USP19: variants seen among roughly 807,000 people sequenced by gnomAD.
USP19 encodes the protein ubiquitin carboxyl-terminal hydrolase 19.
In USP19, 40 loss-of-function variants were observed where a neutral mutation model predicts 144.8. That is an observed-to-expected ratio of 0.28 (90% CI 0.21 to 0.36). The LOEUF (loss-of-function observed/expected upper bound fraction) is 0.36, where lower values mean the gene tolerates loss of function less well. USP19 is among the 10% of genes least tolerant of loss of function. The pLI is 1.00. For missense variants in USP19, 1,518 were observed against 1,822.5 expected, an observed-to-expected ratio of 0.83 and a Z score of 3.04; for synonymous variants, 701 against 709.3, an observed-to-expected ratio of 0.99 and a Z score of 0.19.
In USP19 at chr3:49,111,598, G is replaced by A. The variant is rs374589536; in HGVS notation, c.3119C>T (p.Pro1040Leu). 1.2e-6 allele frequency: 2 copies of A among 1,612,754 alleles called. No individual in the cohort carries two copies. Among genetic ancestry groups the A allele is most frequent in the Non-Finnish European group, 1.7e-6 (2 of 1,179,796 alleles). Residue 1040 changes from proline to leucine, a missense_variant, in exon 21 of 27, where the codon CCT becomes CTT. This residue lies in a region of USP19 where 413 missense variants were observed against 515.8 expected (regional missense o/e 0.80). Coordinates refer to ENST00000417901, the MANE Select transcript of USP19 (RefSeq NM_001199161.2). The surrounding 1 kb of genome is among the most constrained non-coding windows in gnomAD (Gnocchi z 5.9). ...AGAAATTCCACTGGTGCTGGGCACA[G>A]GACCCCGGTCAGGGGCTGCCCACAC... ...PRVWAAPDRG[P>L]VPSTSGISSE... is the part of the protein sequence containing the mutation.
chr3:49,117,793 G>A lies in USP19; in HGVS notation c.336C>T (p.Pro112=). 1 of 1,614,202 alleles carries A rather than the reference G, an allele frequency of 6.2e-7. No individual in the cohort carries two copies. The highest frequency in any genetic ancestry group is 8.5e-7 in the Non-Finnish European group (1 of 1,180,044). The change falls in exon 4 of 27, where the codon CCC becomes CCT. Residue 112 remains proline (P), a synonymous_variant. Transcript: ENST00000417901. This position sits in a 1 kb window ranked among gnomAD's most constrained non-coding sequence, Gnocchi z 4.4. ...TCCAATCGAGCAACAACTCTGGAGT[G>A]GGAGTAGCCAAGAGATCATGAGGGT... ...CEDPHDLLAT[P]TPELLLDWRQ...
chr3:49,110,893 A>T lies in USP19; in HGVS notation c.3546-30T>A, dbSNP rs552145464. On this transcript the variant is annotated intron_variant, in intron 23 of 26. Coordinates refer to ENST00000417901, the MANE Select transcript of USP19 (RefSeq NM_001199161.2). The surrounding 1 kb of genome is among the most constrained non-coding windows in gnomAD (Gnocchi z 6.1). The stretch of plus-strand genomic sequence containing the variant: ...TGGGGACAGAGATTGGGTCAGGACC[A>T]GCAAGTCTCTCTCTTCTCCATCCTG... The T allele has an allele frequency of 6.2e-7, 1 of 1,613,850 alleles. No homozygotes were observed. The highest frequency in any genetic ancestry group is 1.1e-5 in the South Asian group (1 of 91,088).
At chr3:49,118,606 T>C (rs2044596081) in intron 2 of USP19, among the ~76,000 whole-genome samples, 1 of 149,900 alleles carries the variant, frequency 6.7e-6, no homozygotes, top group Non-Finnish European at 1.5e-5. Flanking sequence ...AAATTAGCCT[T>C]GCGTGGTGGC....
rs2044033161 is a variant in USP19 at position 49,115,973 on chromosome 3, G to A, written c.1472-29C>T. On this transcript the variant is annotated intron_variant, in intron 10 of 26. Coordinates refer to ENST00000417901, the MANE Select transcript of USP19 (RefSeq NM_001199161.2). The surrounding 1 kb of genome is among the most constrained non-coding windows in gnomAD (Gnocchi z 6.6). ...AAAAAGGGGGAATGAGAGGGCTGGT[G>A]GTTAGCAGCATGTGACAGGGGTTTG... 2.6e-6 allele frequency: 4 copies of A among 1,560,568 alleles called. No homozygotes were observed. The highest frequency in any genetic ancestry group is 2.8e-5 in the African/African-American group (2 of 72,542).
In USP19 at chr3:49,118,064, G is replaced by A; in HGVS notation, c.181C>T (p.Pro61Ser). 3.8e-6 allele frequency: 6 copies of A among 1,583,660 alleles called. No individual in the cohort carries two copies. The highest frequency in any genetic ancestry group is 5.1e-6 in the Non-Finnish European group (6 of 1,167,526). ...GCTGCATGGGAGGCTGAGGCAGAAG[G>A]ATCACCTGAGGCCAGAGGTTCAAGA... ...AGLEPLASGDPSASASHAAGI... is the reference protein window; with the variant it reads ...AGLEPLASGDSSASASHAAGI... The change falls in exon 3 of 27, where the codon CCT becomes TCT. Residue 61 changes from proline to serine, a missense_variant. By Grantham distance (74) the Pro-to-Ser change is moderately conservative. Coordinates refer to ENST00000417901, the MANE Select transcript of USP19 (RefSeq NM_001199161.2).
Position 49,108,969 on chromosome 3 carries a change from G to A in USP19, c.4039-441C>T, listed in dbSNP as rs541357086. ...GCCTGCAGGCGAGCTCATCTCCAGC[G>A]ACTCTGGGATACCAGAGGATAGAAC... On this transcript the variant is annotated intron_variant, in intron 26 of 26. Transcript: ENST00000417901. This position sits in a 1 kb window ranked among gnomAD's most constrained non-coding sequence, Gnocchi z 4.8. 69 of 1,610,600 alleles carry A rather than the reference G, an allele frequency of 4.3e-5. No individual in the cohort carries two copies. In the South Asian group the frequency reaches 6.0e-4, roughly 14 times the overall value.
At chr3:49,109,251 T>TTAGCCATG in intron 26 of USP19, 2 of 1,441,834 alleles carry the variant, frequency 1.4e-6, no homozygotes, top group Non-Finnish European at 1.8e-6. Flanking sequence ...CCTGAGACCC[T>TTAGCCATG]TAGCCATGAC....
At position 49,117,980 on chromosome 3, in the gene USP19, C is replaced by A. The variant is rs1002394317; in HGVS notation, c.265G>T (p.Ala89Ser). Residue 89 changes from alanine to serine, a missense_variant, in exon 3 of 27, where the codon GCA (alanine) becomes TCA (serine). By Grantham distance (99) the Ala-to-Ser change is moderately conservative. Around this residue, in one of 5 missense-constraint regions of USP19, gnomAD observed 707 missense variants for 728.9 expected, o/e 0.97. Coordinates refer to ENST00000417901, the MANE Select transcript of USP19 (RefSeq NM_001199161.2). This position sits in a 1 kb window ranked among gnomAD's most constrained non-coding sequence, Gnocchi z 4.4. Reference protein sequence around the residue: ...RLFFPSSSGSASTPQEEQTKE... With the variant: ...RLFFPSSSGSSSTPQEEQTKE... ...GTCTGCTCCTCTTGAGGAGTGGATG[C>A]TGACCCTGACGATGAAGGAAAGAAC... 2 of 1,610,234 alleles carry A rather than the reference C, an allele frequency of 1.2e-6. No individual in the cohort carries two copies. Among genetic ancestry groups the A allele is most frequent in the Non-Finnish European group, 1.7e-6 (2 of 1,179,102 alleles).
At chr3:49,109,904 T>G in intron 26 of USP19, 1 of 292,522 alleles carries the variant, frequency 3.4e-6, no homozygotes, top group Non-Finnish European at 6.3e-6. Context: ...ATTCACAGCA[T>G]AGTGCCCAGT....
At position 49,115,126 on chromosome 3, in the gene USP19, A is replaced by G; in HGVS notation, c.2023-9T>C. On this transcript the variant is annotated splice_polypyrimidine_tract_variant and intron_variant, in intron 13 of 26. Coordinates refer to ENST00000417901, the MANE Select transcript of USP19 (RefSeq NM_001199161.2). The surrounding 1 kb of genome is among the most constrained non-coding windows in gnomAD (Gnocchi z 6.6). The stretch of plus-strand genomic sequence containing the variant: ...TTACTCGCCACAATGGCCTGGATAC[A>G]GGAGCCAAGGTGTGAACATGAAGCC... 6.2e-7 allele frequency: 1 copy of G among 1,613,542 alleles called. No homozygotes were observed. Among genetic ancestry groups the G allele is most frequent in the Non-Finnish European group, 8.5e-7 (1 of 1,179,616 alleles).
chr3:49,113,974 A>G lies in USP19; in HGVS notation c.2505+18T>C. On this transcript the variant is annotated intron_variant, in intron 17 of 26. Coordinates refer to ENST00000417901, the MANE Select transcript of USP19 (RefSeq NM_001199161.2). ...CACACATCCACACATGTGATAGCCC[A>G]AGGAAGGACAAAGATACCTCCGCCA... 1.2e-6 allele frequency: 2 copies of G among 1,613,346 alleles called. No homozygotes were observed. Among genetic ancestry groups the G allele is most frequent in the Non-Finnish European group, 8.5e-7 (1 of 1,179,646 alleles).
In USP19 at chr3:49,117,463, G is replaced by A. The variant is rs757682286; in HGVS notation, c.580C>T (p.Pro194Ser). Residue 194 changes from proline (P) to serine (S), a missense_variant, in exon 5 of 27, where the codon CCT becomes TCT. Physicochemically the swap from Pro to Ser is moderately conservative, Grantham distance 74. Around this residue, in one of 5 missense-constraint regions of USP19, gnomAD observed 707 missense variants for 728.9 expected, o/e 0.97. Coordinates refer to ENST00000417901, the MANE Select transcript of USP19 (RefSeq NM_001199161.2). The surrounding 1 kb of genome is among the most constrained non-coding windows in gnomAD (Gnocchi z 4.4). ...AGGAGGGAGGGCCACGTGAGCATAG[G>A]CACCTTTTTGGGCAGTGTCAGGTGC... ...LLHLTLPKKV[P>S]MLTWPSLLKK... 3.7e-6 allele frequency: 6 copies of A among 1,614,150 alleles called. No individual in the cohort carries two copies. The highest frequency in any genetic ancestry group is 1.1e-5 in the South Asian group (1 of 91,082).
Position 49,108,319 on chromosome 3 carries a change from A to T in USP19, c.*93T>A. The T allele has an allele frequency of 2.8e-6, 1 of 357,120 alleles. No individual in the cohort carries two copies. Among genetic ancestry groups the T allele is most frequent in the Non-Finnish European group, 5.2e-6 (1 of 191,816 alleles). The allele number at this position is 357,120 out of a possible 1,614,324, so 22.1% of individuals were successfully genotyped here. ...CCCTCAGCTTCCCATTGACAGAGCC[A>T]GTGTCCTCTGGGTTAGAGAAGGAGA... On this transcript the variant is annotated 3_prime_UTR_variant, in exon 27 of 27. Coordinates refer to ENST00000417901, the MANE Select transcript of USP19 (RefSeq NM_001199161.2). The surrounding 1 kb of genome is among the most constrained non-coding windows in gnomAD (Gnocchi z 4.8).
intron 17 of USP19, 117 bp downstream of exon 17, chr3:49,113,875 T>A: frequency 8.9e-7 from 1 of 1,118,040 alleles, no homozygotes; most frequent in Non-Finnish European, 1.3e-6. Flanking sequence ...ACTACAGGCA[T>A]GAGCCACTGT....
chr3:49,110,964 T>C lies in USP19; in HGVS notation c.3531A>G (p.Ala1177=). 1 of 1,613,772 alleles carries C rather than the reference T, an allele frequency of 6.2e-7. No homozygotes were observed. Among genetic ancestry groups the C allele is most frequent in the Non-Finnish European group, 8.5e-7 (1 of 1,179,978 alleles). ...LNLFTRPEVL[A]PEEAWYCPQC... ...TCTGTTCTCACCAGGCCTCCTCGGG[T>C]GCCAGCACCTCAGGCCGTGTGAAGA... The change falls in exon 23 of 27, where the codon GCA becomes GCG. Residue 1177 remains alanine (A), a synonymous_variant. Coordinates refer to ENST00000417901, the MANE Select transcript of USP19 (RefSeq NM_001199161.2). The surrounding 1 kb of genome is among the most constrained non-coding windows in gnomAD (Gnocchi z 6.1).
rs1207130202 is a variant in USP19, at chr3:49,115,883, T to G, written c.1533A>C (p.Pro511=). ...PTGPTPLDST[P]PGGAPHPLTG... ...TCAGGGGGTGGGGAGCACCTCCTGG[T>G]GGGGTTGAATCCAGAGGGGTTGGAC... Residue 511 remains proline (P), a synonymous_variant, in exon 11 of 27, where the codon CCA becomes CCC. Coordinates refer to ENST00000417901, the MANE Select transcript of USP19 (RefSeq NM_001199161.2). This position sits in a 1 kb window ranked among gnomAD's most constrained non-coding sequence, Gnocchi z 6.6. The G allele has an allele frequency of 6.3e-7, 1 of 1,594,062 alleles. No individual in the cohort carries two copies. Among genetic ancestry groups the G allele is most frequent in the East Asian group, 2.2e-5 (1 of 44,678 alleles).
intron 2 of USP19, 41 bp from the exon 3 acceptor site, chr3:49,118,161 A>T (rs762983843): frequency 2.6e-6 from 2 of 760,556 alleles, no homozygotes; most frequent in Middle Eastern, 4.0e-4. Context: ...CATGGTGAGG[A>T]GGCTGAGGTA....
Position 49,116,996 on chromosome 3 carries a change from C to CCCA in USP19, c.910-56_910-54dup. ...TCAGCCCTGGGTCTGCCAGGTGGCT[C>CCCA]CCACTCCAGTGCACACCCTTTCCCC... On this transcript the variant is annotated intron_variant, in intron 6 of 26. Coordinates refer to ENST00000417901, the MANE Select transcript of USP19 (RefSeq NM_001199161.2). The surrounding 1 kb of genome is among the most constrained non-coding windows in gnomAD (Gnocchi z 5.0). 7 of 1,577,956 alleles carry CCCA rather than the reference C, an allele frequency of 4.4e-6. No homozygotes were observed. Among genetic ancestry groups the CCCA allele is most frequent in the Non-Finnish European group, 5.2e-6 (6 of 1,160,160 alleles).
Position 49,112,391 on chromosome 3 carries a change from C to G in USP19, c.2658G>C (p.Val886=), listed in dbSNP as rs1217928618. ...CACACTTGGAGATGGGGACGCTGGG[C>G]ACCTGGGGGCGCTAGGGTGGGTCGT... The part of the protein sequence containing the change: ...VVLEVQQRPQ[V]PSVPISKCAA... Residue 886 remains valine, a synonymous_variant, in exon 19 of 27, where the codon GTG becomes GTC. Transcript: ENST00000417901. The surrounding 1 kb of genome is among the most constrained non-coding windows in gnomAD (Gnocchi z 4.9). The G allele has an allele frequency of 1.2e-6, 2 of 1,613,994 alleles. No individual in the cohort carries two copies. Among genetic ancestry groups the G allele is most frequent in the South Asian group, 2.2e-5 (2 of 91,078 alleles).
Sources: gnomAD v4.1 joint callset for allele counts (sites outside exome capture counted in the v4.1 genomes callset) on GRCh38, gnomAD v4.1.1 for gene constraint, gnomAD v4.1.1 regional missense constraint, Gnocchi (gnomAD v3.1) non-coding constraint, MANE v1.5 for transcripts, NCBI Gene and HGNC (gene_info 2026-07-23, HGNC 2026-07-21) for gene names.